The following N4BP2 variants were observed in gnomAD, a reference collection of about 807,000 sequenced individuals.
The protein encoded by N4BP2 is NEDD4 binding protein 2.
A neutral mutation model predicts 152.8 loss-of-function variants in N4BP2; 91 were observed. The observed-to-expected ratio is 0.60, with a 90% CI of 0.50 to 0.71. The LOEUF is 0.71. N4BP2 is among the 30% of genes least tolerant of loss of function. N4BP2 has a pLI of 0.00. For synonymous variants in N4BP2, 646 were observed against 705.3 expected, an observed-to-expected ratio of 0.92 and a Z score of 1.33; for missense variants, 1,923 against 2,059.1, an observed-to-expected ratio of 0.93 and a Z score of 1.28.
chr4:40,153,585 C>G lies in N4BP2; in HGVS notation c.5268-607C>G, dbSNP rs143873470. Among the ~76,000 whole-genome samples, 10 of 152,262 alleles carry G rather than the reference C, an allele frequency of 6.6e-5. No individual in the cohort carries two copies. The East Asian group carries it at 1.9e-3, about 29-fold the overall frequency. ...GGATAGATTTCCTGCAGATGTGTAT[C>G]ATTAACTCCTACCCACCAATTTCAG... is the stretch of plus-strand genomic sequence containing the variant. On this transcript the variant is annotated intron_variant, in intron 17 of 17. Coordinates refer to ENST00000261435, the MANE Select transcript of N4BP2 (RefSeq NM_018177.6).
At chr4:40,143,993 C>T (rs969968624) in intron 15 of N4BP2, among the ~76,000 whole-genome samples, 3 of 152,074 alleles carry the variant, frequency 2.0e-5, no homozygotes, top group Non-Finnish European at 2.9e-5. Flanking sequence ...AGGAGTGTAG[C>T]GCAGTCGAAG....
At position 40,126,172 on chromosome 4, in the gene N4BP2, GA is replaced by G. The variant is rs764797732; in HGVS notation, c.4371del (p.Glu1457AspfsTer13). ...TGGACATACTGGGCTTGATAATCCT[GA>G]ACAAAAATCATCTCAGAGAACAGGC... ...LVGHTGLDNPEQKSSQRTGKK... is the reference protein window; with the variant it reads ...LVGHTGLDNPXQKSSQRTGKK... On this transcript the variant is annotated frameshift_variant, in exon 12 of 18. Coordinates refer to ENST00000261435, the MANE Select transcript of N4BP2 (RefSeq NM_018177.6). LOFTEE classifies it high-confidence loss of function. 6.2e-7 allele frequency: 1 copy of G among 1,605,498 alleles called. No homozygotes were observed. The highest frequency in any genetic ancestry group is 1.3e-5 in the African/African-American group (1 of 74,430).
Position 40,121,098 on chromosome 4 carries a change from C to G in N4BP2, c.2987C>G (p.Ala996Gly). ...GGAGTAGTAGAACCACAAACGTTAG[C>G]TGAATGTCAAGAGCAAATGCCTAAG... is the stretch of plus-strand genomic sequence containing the variant. Reference protein sequence around the residue: ...VSGVVEPQTLAECQEQMPKRD... With the variant: ...VSGVVEPQTLGECQEQMPKRD... Residue 996 changes from alanine to glycine, a missense_variant, in exon 9 of 18, where the codon GCT becomes GGT. By Grantham distance (60) the Ala-to-Gly change is moderately conservative (BLOSUM62 0). Coordinates refer to ENST00000261435, the MANE Select transcript of N4BP2 (RefSeq NM_018177.6). The G allele has an allele frequency of 6.2e-7, 1 of 1,614,040 alleles. No individual in the cohort carries two copies. Among genetic ancestry groups the G allele is most frequent in the Middle Eastern group, 1.6e-4 (1 of 6,062 alleles).
chr4:40,057,810 G>C (rs1733334006), intron 1 of N4BP2, among the ~76,000 whole-genome samples: 1 of 152,024 alleles, frequency 6.6e-6, no homozygotes, highest in East Asian at 1.9e-4. Context: ...TAGAGTAATA[G>C]AATGTAGATG....
In N4BP2 at chr4:40,120,071, T is replaced by G; in HGVS notation, c.1960T>G (p.Ser654Ala). 3.1e-6 allele frequency: 5 copies of G among 1,611,966 alleles called. No individual in the cohort carries two copies. The highest frequency in any genetic ancestry group is 4.2e-6 in the Non-Finnish European group (5 of 1,178,582). Reference sequence around the variant, plus strand: ...GTTACCTGAGAATGTTGCATATCTCTCTAATGCAGATTTAAACAAAAGAAG... The same window carrying G: ...GTTACCTGAGAATGTTGCATATCTCGCTAATGCAGATTTAAACAAAAGAAG... The part of the protein sequence containing the change: ...TMLPENVAYL[S>A]NADLNKRRKE... Residue 654 changes from serine to alanine, a missense_variant, in exon 9 of 18, where the codon TCT becomes GCT. Coordinates refer to ENST00000261435, the MANE Select transcript of N4BP2 (RefSeq NM_018177.6).
chr4:40,185,618 AC>A, the N4BP2 span, among the ~76,000 whole-genome samples: 1 of 152,152 alleles, frequency 6.6e-6, no homozygotes. Context: ...TTGGAAAAAA[AC>A]ATTTTAATAG....
chr4:40,076,645 C>T (rs1456564494), intron 2 of N4BP2, among the ~76,000 whole-genome samples: 9 of 152,162 alleles, frequency 5.9e-5, no homozygotes, highest in South Asian at 4.1e-4. Context: ...CCCGCCACCA[C>T]GCCTGGCTAA....
At chr4:40,145,847 G>A (rs1351530408) in intron 16 of N4BP2, among the ~76,000 whole-genome samples, 1 of 152,078 alleles carries the variant, frequency 6.6e-6, no homozygotes, top group Non-Finnish European at 1.5e-5. Context: ...AGTTACATAA[G>A]TAATTAGCAT....
chr4:40,148,053 C>T (rs1473770444), intron 16 of N4BP2, among the ~76,000 whole-genome samples: 2 of 152,222 alleles, frequency 1.3e-5, no homozygotes, highest in Non-Finnish European at 2.9e-5. Context: ...GGGGTGGCGG[C>T]CGGGCAGAGG....
intron 2 of N4BP2, among the ~76,000 whole-genome samples, chr4:40,076,541 C>T (rs1033517508): frequency 2.6e-5 from 4 of 151,972 alleles, no homozygotes; most frequent in Non-Finnish European, 4.4e-5. Context: ...CCAGGCTGGG[C>T]GCAGTGGCGC....
At chr4:40,130,750 C>A (rs985604522) in intron 12 of N4BP2, among the ~76,000 whole-genome samples, 2 of 152,136 alleles carry the variant, frequency 1.3e-5, no homozygotes, top group Admixed American at 1.3e-4. Context: ...AATCCTCCTA[C>A]CTCAGCTATT....
At chr4:40,139,849 G>A (rs995433151) in intron 14 of N4BP2, among the ~76,000 whole-genome samples, 3 of 137,102 alleles carry the variant, frequency 2.2e-5, no homozygotes, top group Non-Finnish European at 4.6e-5. Flanking sequence ...TTTTGAGACA[G>A]GGTCTCACTG....
chr4:40,162,504 A>G (rs1267213466), downstream of N4BP2, among the ~76,000 whole-genome samples: 2 of 152,250 alleles, frequency 1.3e-5, no homozygotes, highest in South Asian at 2.1e-4. Context: ...TCAAATGCTC[A>G]TATTTGCTAC....
intron 4 of N4BP2, among the ~76,000 whole-genome samples, chr4:40,104,156 G>T (rs2109965777): frequency 6.6e-6 from 1 of 151,794 alleles, no homozygotes; most frequent in Non-Finnish European, 1.5e-5. Flanking sequence ...GTTTCACCGT[G>T]TTAGCCAGGA....
At chr4:40,136,799 A>G (rs1719449192) in intron 13 of N4BP2, 145 bp from the exon 14 acceptor site, 2 of 580,030 alleles carry the variant, frequency 3.4e-6, no homozygotes, top group South Asian at 2.8e-5. Flanking sequence ...GAGATACACC[A>G]TGAGCATTTA....
intron 16 of N4BP2, among the ~76,000 whole-genome samples, chr4:40,148,535 A>C (rs1358548457): frequency 6.6e-6 from 1 of 152,276 alleles, no homozygotes; most frequent in African/African-American, 2.4e-5. Context: ...TGTAAGTGAG[A>C]TCATACAGGA....
the N4BP2 span, chr4:40,166,616 G>C: frequency 6.6e-6 from 1 of 150,774 alleles, no homozygotes; most frequent in African/African-American, 2.4e-5. Context: ...TTGAACCCAG[G>C]AGACGGAGTT....
At chr4:40,098,951 G>T (rs1715357290) in intron 3 of N4BP2, among the ~76,000 whole-genome samples, 1 of 152,056 alleles carries the variant, frequency 6.6e-6, no homozygotes, top group Admixed American at 6.6e-5. Context: ...TTTTTAATGG[G>T]TTTCTAATCT....
chr4:40,106,322 G>A (rs1458493253), intron 4 of N4BP2, among the ~76,000 whole-genome samples: 1 of 151,862 alleles, frequency 6.6e-6, no homozygotes, highest in Non-Finnish European at 1.5e-5. Flanking sequence ...ATCTCTTTGT[G>A]TTTAATTTTT....
Sources: allele counts gnomAD v4.1 joint callset (sites outside exome capture counted in the v4.1 genomes callset), GRCh38; gene constraint gnomAD v4.1.1; transcripts MANE v1.5; gene names NCBI Gene and HGNC (gene_info 2026-07-23, HGNC 2026-07-21).